Variants in SVEP1 observed in about 807,000 individuals in gnomAD.
SVEP1 encodes the protein sushi, von Willebrand factor type A, EGF and pentraxin domain-containing protein 1.
In SVEP1, 164 loss-of-function variants were observed where a neutral mutation model predicts 367.3. That is an observed-to-expected ratio of 0.45 (90% confidence interval 0.39 to 0.51). SVEP1 has a LOEUF of 0.51. Ranked by LOEUF, SVEP1 falls within the 20% of genes least tolerant of loss-of-function variation. SVEP1 has a pLI of 0.00. For missense variants in SVEP1, 4,117 were observed against 4,425.3 expected (o/e 0.93, Z 1.98); for synonymous variants, 1,666 against 1,611.6 (o/e 1.03, Z -0.81).
intron 16 of SVEP1, 92 bp downstream of exon 16, chr9:110,471,272 T>C: frequency 9.6e-7 from 1 of 1,037,212 alleles, no homozygotes; most frequent in Non-Finnish European, 1.4e-6. Context: ...TATGTTTCAT[T>C]TCAATATCCC....
chr9:110,411,394 G>A lies in SVEP1; in HGVS notation c.6317C>T (p.Ser2106Leu), dbSNP rs530832905. ...TTCCATGCATTTAAAGCTCACAACT[G>A]AGCCAGCTGCAAATTTTGCTTTGCT... ...SVSKAKFAAGSVVSFKCMEGF... is the reference protein window; with the variant it reads ...SVSKAKFAAGLVVSFKCMEGF... Residue 2106 changes from serine to leucine, a missense_variant, in exon 37 of 48, where the codon TCA (serine) becomes TTA (leucine). Transcript: ENST00000374469. 5 of 1,614,020 alleles carry A rather than the reference G, an allele frequency of 3.1e-6. No individual in the cohort carries two copies. The South Asian group carries it at 3.3e-5, about 11-fold the overall frequency.
intron 22 of SVEP1, among the ~76,000 whole-genome samples, chr9:110,454,001 G>A (rs1383306852): frequency 6.6e-6 from 1 of 151,428 alleles, no homozygotes; most frequent in East Asian, 2.0e-4. Context: ...GGTTGCTTAT[G>A]TGTCTTCTTA....
intron 1 of SVEP1, among the ~76,000 whole-genome samples, chr9:110,559,051 A>T (rs1287299053): frequency 6.6e-6 from 1 of 152,148 alleles, no homozygotes; most frequent in Non-Finnish European, 1.5e-5. Context: ...ATACCTCATT[A>T]GTATGATAGA....
intron 18 of SVEP1, among the ~76,000 whole-genome samples, chr9:110,462,935 T>C (rs2118646722): frequency 6.6e-6 from 1 of 152,142 alleles, no homozygotes. Context: ...TATTGTATAC[T>C]AGAAATTTGC....
At chr9:110,506,531 T>C (rs151084908) in intron 5 of SVEP1, among the ~76,000 whole-genome samples, 2 of 152,310 alleles carry the variant, frequency 1.3e-5, no homozygotes, top group African/African-American at 4.8e-5. Context: ...CCAATCCAAG[T>C]TTCCTAGTCT....
chr9:110,555,567 T>C (rs796892178), intron 1 of SVEP1, among the ~76,000 whole-genome samples: 10 of 152,348 alleles, frequency 6.6e-5, no homozygotes, highest in African/African-American at 1.9e-4. Context: ...TTAGCAGTGA[T>C]TTCTTGCTGT....
chr9:110,469,009 C>G lies in SVEP1; in HGVS notation c.3091G>C (p.Glu1031Gln). 1 of 1,613,928 alleles carries G rather than the reference C, an allele frequency of 6.2e-7. No individual in the cohort carries two copies. Among genetic ancestry groups the G allele is most frequent in the East Asian group, 2.2e-5 (1 of 44,866 alleles). ...ATCCCAGAGGGGCAAAGCTTGCACT[C>G]AAGTTGCCCTTCTTCATCTTGATAG... ...GSYQDEEGQL[E>Q]CKLCPSGMYT... is the part of the protein sequence containing the mutation. The change falls in exon 17 of 48, where the codon GAG (glutamate) becomes CAG (glutamine). Residue 1031 changes from glutamate (E) to glutamine (Q), a missense_variant. Glu to Gln is a conservative substitution (Grantham distance 29). Coordinates refer to ENST00000374469, the MANE Select transcript of SVEP1 (RefSeq NM_153366.4).
At chr9:110,539,717 C>T (rs1830120996) in intron 3 of SVEP1, among the ~76,000 whole-genome samples, 1 of 151,402 alleles carries the variant, frequency 6.6e-6, no homozygotes, top group African/African-American at 2.4e-5. Flanking sequence ...CATGAATTTG[C>T]TAGTCACCCT....
At chr9:110,553,993 T>C (rs1324546680) in intron 1 of SVEP1, among the ~76,000 whole-genome samples, 4 of 152,208 alleles carry the variant, frequency 2.6e-5, no homozygotes, top group Non-Finnish European at 1.5e-5. Flanking sequence ...AGATATCTTT[T>C]GTCTTTGCTG....
At chr9:110,389,978 T>TATATGAATCATAG (rs1554710662) in intron 40 of SVEP1, among the ~76,000 whole-genome samples, 2 of 147,010 alleles carry the variant, frequency 1.4e-5, no homozygotes, top group East Asian at 1.9e-4. Flanking sequence ...AGAGTACTAT[T>TATATGAATCATAG]TGGCCATAAA....
intron 40 of SVEP1, among the ~76,000 whole-genome samples, chr9:110,391,670 T>C (rs769262727): frequency 2.6e-5 from 4 of 152,166 alleles, no homozygotes; most frequent in Non-Finnish European, 4.4e-5. Flanking sequence ...AGAGCGATAA[T>C]AGTGATTGCT....
intron 2 of SVEP1, among the ~76,000 whole-genome samples, chr9:110,547,836 T>C (rs1830239265): frequency 6.6e-6 from 1 of 152,158 alleles, no homozygotes; most frequent in South Asian, 2.1e-4. Flanking sequence ...GTCTTTCCAG[T>C]AAAAACAGGG....
intron 3 of SVEP1, among the ~76,000 whole-genome samples, chr9:110,529,126 T>C (rs1829983538): frequency 6.6e-6 from 1 of 152,128 alleles, no homozygotes; most frequent in South Asian, 2.1e-4. Flanking sequence ...AGCTATTGAA[T>C]AGGGTGTCCT....
intron 9 of SVEP1, among the ~76,000 whole-genome samples, chr9:110,486,454 G>A (rs1829277996): frequency 6.6e-6 from 1 of 152,132 alleles, no homozygotes; most frequent in African/African-American, 2.4e-5. Flanking sequence ...TTCCTGGCTT[G>A]ACTCTCATTT....
intron 40 of SVEP1, among the ~76,000 whole-genome samples, chr9:110,395,530 A>G (rs1827744307): frequency 6.6e-6 from 1 of 152,242 alleles, no homozygotes; most frequent in Admixed American, 6.5e-5. Flanking sequence ...AATGGGCTAA[A>G]TGCTCCAATT....
intron 3 of SVEP1, among the ~76,000 whole-genome samples, chr9:110,515,339 C>T (rs1199040259): frequency 6.8e-6 from 1 of 147,868 alleles, no homozygotes; most frequent in African/African-American, 2.5e-5. Flanking sequence ...CTCGCTCTGT[C>T]CCCCAGGCTG....
At position 110,375,379 on chromosome 9, in the gene SVEP1, C is replaced by T. The variant is rs750216711; in HGVS notation, c.10589G>A (p.Arg3530His). The T allele has an allele frequency of 7.1e-6, 11 of 1,548,226 alleles. No individual in the cohort carries two copies. Among genetic ancestry groups the T allele is most frequent in the African/African-American group, 4.2e-5 (3 of 71,566 alleles). ...CDCPPGWTGS[R>H]CHTAVCQSPC... ...TGAAAGAGGCCTACCTGTATGACAG[C>T]GAGACCCCGTCCAGCCAGGCGGGCA... is the stretch of plus-strand genomic sequence containing the variant. Residue 3530 changes from arginine to histidine, a missense_variant, in exon 46 of 48, where the codon CGC (arginine) becomes CAC (histidine). Physicochemically the swap from Arg to His is conservative, Grantham distance 29. Coordinates refer to ENST00000374469, the MANE Select transcript of SVEP1 (RefSeq NM_153366.4).
intron 1 of SVEP1, among the ~76,000 whole-genome samples, chr9:110,556,790 T>C (rs1830362555): frequency 1.3e-5 from 2 of 152,056 alleles, no homozygotes; most frequent in African/African-American, 2.4e-5. Context: ...CACTTGGCCA[T>C]AACGTTATCT....
chr9:110,390,492 A>G (rs1474167288), intron 40 of SVEP1, among the ~76,000 whole-genome samples: 2 of 150,972 alleles, frequency 1.3e-5, no homozygotes, highest in South Asian at 4.2e-4. Flanking sequence ...AAATGTATAC[A>G]ATTATGATTT....
Sources: gnomAD v4.1 joint callset for allele counts (sites outside exome capture counted in the v4.1 genomes callset) on GRCh38, gnomAD v4.1.1 for gene constraint, MANE v1.5 for transcripts, NCBI Gene and HGNC (gene_info 2026-07-23, HGNC 2026-07-21) for gene names.